Variants in PLEKHG5 observed in about 807,000 individuals in gnomAD.
PLEKHG5 encodes the protein pleckstrin homology and RhoGEF domain containing G5, also known as pleckstrin homology domain-containing family G member 5.
In PLEKHG5, 52 loss-of-function variants were observed where a neutral mutation model predicts 103.8. That is an observed-to-expected ratio of 0.50 (90% CI 0.40 to 0.63). The LOEUF (loss-of-function observed/expected upper bound fraction) is 0.63. Among genes scored for constraint, PLEKHG5 ranks in the 30% least tolerant of loss-of-function variants. The pLI is 0.00. For missense variants in PLEKHG5, 1,205 were observed against 1,347.6 expected, an observed-to-expected ratio of 0.89 and a Z score of 1.66; for synonymous variants, 592 against 575.5, an observed-to-expected ratio of 1.03 and a Z score of -0.41.
chr1:6,467,834 A>G lies in PLEKHG5; in HGVS notation c.3002T>C (p.Leu1001Pro), dbSNP rs1439333720. 1 of 1,613,132 alleles carries G rather than the reference A, an allele frequency of 6.2e-7. No individual in the cohort carries two copies. The change falls in exon 20 of 21, where the codon CTC becomes CCC. Residue 1001 changes from leucine to proline, a missense_variant. Physicochemically the swap from Leu to Pro is moderately conservative, Grantham distance 98 (BLOSUM62 -3). Coordinates refer to ENST00000377728, the MANE Select transcript of PLEKHG5 (RefSeq NM_020631.6). ...AGTCCAGGCCACTCACGAGGCAGTGAGCGTGGAGTTAAGCAGCAGGGTGGT... is the reference window on the plus strand; with the variant it reads ...AGTCCAGGCCACTCACGAGGCAGTGGGCGTGGAGTTAAGCAGCAGGGTGGT... ...IRTTLLLNST[L>P]TASEV
At chr1:6,477,250 C>T (rs964394985) in intron 2 of PLEKHG5, among the ~76,000 whole-genome samples, 3 of 152,260 alleles carry the variant, frequency 2.0e-5, no homozygotes, top group Non-Finnish European at 4.4e-5. Context: ...AAGGGGCCTT[C>T]TCTGTGTGGG....
At chr1:6,494,817 C>T (rs901540763), upstream of PLEKHG5, among the ~76,000 whole-genome samples, 5 of 152,318 alleles carry the variant, frequency 3.3e-5, no homozygotes, top group East Asian at 1.9e-4. Flanking sequence ...TCCCAAAGGG[C>T]GTCCCAGTAG....
chr1:6,476,106 A>AG (rs1256339355), intron 2 of PLEKHG5, 70 bp from the exon 3 acceptor site: 17 of 1,324,712 alleles, frequency 1.3e-5, no homozygotes, highest in Non-Finnish European at 1.6e-5. Flanking sequence ...CTGCCTCCAG[A>AG]GGGACCACAG....
At chr1:6,499,741 A>G (rs138556000), upstream of PLEKHG5, among the ~76,000 whole-genome samples, 12 of 152,280 alleles carry the variant, frequency 7.9e-5, no homozygotes, top group African/African-American at 2.9e-4. Context: ...TAAGGGGGAC[A>G]TACTGTATCA....
At chr1:6,518,999 C>T (rs1244785295) in intron 1 of PLEKHG5, among the ~76,000 whole-genome samples, 1 of 152,198 alleles carries the variant, frequency 6.6e-6, no homozygotes, top group Non-Finnish European at 1.5e-5. Context: ...CGTGCCACCA[C>T]GCCCAGCTAA....
chr1:6,511,370 C>T (rs575997731), intron 1 of PLEKHG5, among the ~76,000 whole-genome samples: 4 of 152,344 alleles, frequency 2.6e-5, no homozygotes, highest in African/African-American at 9.6e-5. Flanking sequence ...GTCACTGACT[C>T]CTCCAGCCTG....
chr1:6,468,980 G>T, intron 19 of PLEKHG5, 62 bp downstream of exon 19: 1 of 1,382,352 alleles, frequency 7.2e-7, no homozygotes, highest in Non-Finnish European at 1.0e-6. Flanking sequence ...TGGGCCTTCA[G>T]GAGTCCTGGG....
intron 1 of PLEKHG5, among the ~76,000 whole-genome samples, chr1:6,480,162 TCTCA>T (rs1401632394): frequency 1.3e-5 from 2 of 152,152 alleles, no homozygotes; most frequent in East Asian, 3.9e-4. Flanking sequence ...TCCCCAGTAA[TCTCA>T]CTCAATCAGT....
intron 1 of PLEKHG5, among the ~76,000 whole-genome samples, chr1:6,488,156 C>T (rs1050050405): frequency 1.3e-5 from 2 of 152,238 alleles, no homozygotes; most frequent in African/African-American, 4.8e-5. Flanking sequence ...CAGATAACTG[C>T]ATTTCACTGA....
At chr1:6,495,134 G>C (rs934079453), upstream of PLEKHG5, among the ~76,000 whole-genome samples, 2 of 152,258 alleles carry the variant, frequency 1.3e-5, no homozygotes, top group Non-Finnish European at 2.9e-5. Flanking sequence ...AAGCCTCGGG[G>C]CTCCGCAGGC....
At chr1:6,516,160 T>G (rs1009687636) in intron 1 of PLEKHG5, among the ~76,000 whole-genome samples, 1 of 152,146 alleles carries the variant, frequency 6.6e-6, no homozygotes, top group East Asian at 1.9e-4. Context: ...CTGGGCTTCG[T>G]GGCACACACC....
intron 1 of PLEKHG5, among the ~76,000 whole-genome samples, chr1:6,508,744 T>C (rs972345141): frequency 2.0e-5 from 3 of 152,250 alleles, no homozygotes; most frequent in African/African-American, 7.2e-5. Flanking sequence ...CCACTTACCA[T>C]GGCCCAATGC....
At position 6,501,924 on chromosome 1, in the gene PLEKHG5, C is replaced by G. The variant is rs1352523674; in HGVS notation, c.-164-5355G>C. On this transcript the variant is annotated intron_variant, in intron 1 of 21. Coordinates refer to the PLEKHG5 transcript ENST00000377740. This position sits in a 1 kb window ranked among gnomAD's most constrained non-coding sequence, Gnocchi z 4.3. The stretch of plus-strand genomic sequence containing the variant: ...CTGTGAACCCTCCACTCCGATGAAC[C>G]CTTCTGTCTCAAGAAAACAGGCCCT... Among the ~76,000 whole-genome samples the G allele has an allele frequency of 6.6e-6, 1 of 152,218 alleles. No homozygotes were observed.
At chr1:6,518,185 G>A (rs1020252038) in intron 1 of PLEKHG5, among the ~76,000 whole-genome samples, 2 of 151,976 alleles carry the variant, frequency 1.3e-5, no homozygotes, top group South Asian at 4.2e-4. Context: ...GCCCGCCTCA[G>A]CCTCCCAAAG....
intron 1 of PLEKHG5, among the ~76,000 whole-genome samples, chr1:6,517,410 T>A (rs1638656031): frequency 6.6e-6 from 1 of 151,504 alleles, no homozygotes; most frequent in Non-Finnish European, 1.5e-5. Flanking sequence ...CTCCAAAAGG[T>A]CTGTAACCCC....
intron 12 of PLEKHG5, 25 bp downstream of exon 12, chr1:6,471,463 C>A: frequency 1.2e-6 from 2 of 1,604,562 alleles, no homozygotes; most frequent in South Asian, 2.2e-5. Context: ...TCAGTGCCCC[C>A]GCCTGCGCCC....
At position 6,469,197 on chromosome 1, in the gene PLEKHG5, C is replaced by T; in HGVS notation, c.2094G>A (p.Gln698=). 1 of 1,613,368 alleles carries T rather than the reference C, an allele frequency of 6.2e-7. No individual in the cohort carries two copies. Among genetic ancestry groups the T allele is most frequent in the Non-Finnish European group, 8.5e-7 (1 of 1,179,850 alleles). The stretch of plus-strand genomic sequence containing the variant: ...CCTCTTCCAGGCTCTGCAGGGGCTG[C>T]TGACTGCCTGGGGGCTCCTGTGCAC... ...QLRAQEPPGS[Q]QPLQSLEEEE... Residue 698 remains glutamine, a synonymous_variant, in exon 19 of 21, where the codon CAG becomes CAA. Transcript: ENST00000377728.
At chr1:6,485,837 T>A (rs1645023597) in intron 1 of PLEKHG5, 1 of 970,894 alleles carries the variant, frequency 1.0e-6, no homozygotes, top group African/African-American at 1.8e-5. Flanking sequence ...TACCCCCACC[T>A]CTGCGCCTCT....
intron 12 of PLEKHG5, 120 bp downstream of exon 12, chr1:6,471,368 A>C (rs1644579652): frequency 8.4e-7 from 1 of 1,190,786 alleles, no homozygotes. Context: ...CAAGGGGTCA[A>C]GTGCGGTTAC....
Sources: allele counts gnomAD v4.1 joint callset (sites outside exome capture counted in the v4.1 genomes callset), GRCh38; gene constraint gnomAD v4.1.1; non-coding constraint Gnocchi (gnomAD v3.1); transcripts MANE v1.5; gene names NCBI Gene and HGNC (gene_info 2026-07-23, HGNC 2026-07-21).